RUVBL1: variants seen among roughly 807,000 people sequenced by gnomAD.
RUVBL1 encodes the protein ruvB-like 1.
A neutral mutation model predicts 52.4 loss-of-function variants in RUVBL1; 4 were observed. The ratio of observed to expected loss-of-function variants is 0.08; its 90% confidence interval spans 0.04 to 0.17. RUVBL1 has a LOEUF of 0.17. RUVBL1 is among the 10% of genes least tolerant of loss of function. The pLI, the probability that RUVBL1 is intolerant of heterozygous loss-of-function variation, is 1.00. For synonymous variants in RUVBL1, 217 were observed against 214.4 expected (o/e 1.01, Z -0.10); for missense variants, 298 against 572.8 (o/e 0.52, Z 4.90).
chr3:128,143,497 G>T (rs1053335579), intron 1 of RUVBL1, among the ~76,000 whole-genome samples: 11 of 152,140 alleles, frequency 7.2e-5, no homozygotes, highest in Non-Finnish European at 1.2e-4. Context: ...TCACATCTGT[G>T]GAGTCCCTTT....
intron 8 of RUVBL1, among the ~76,000 whole-genome samples, chr3:128,094,197 T>C (rs1942917207): frequency 6.6e-6 from 1 of 152,200 alleles, no homozygotes; most frequent in African/African-American, 2.4e-5. Context: ...GTCATGAGCT[T>C]CCACGTGACT....
intron 1 of RUVBL1, among the ~76,000 whole-genome samples, chr3:128,148,842 C>A (rs1944142394): frequency 6.6e-6 from 1 of 152,144 alleles, no homozygotes; most frequent in Non-Finnish European, 1.5e-5. Context: ...AGATTGTTCC[C>A]AAGTAGTGTA....
chr3:128,075,586 C>G (rs1427033946), intron 9 of RUVBL1, among the ~76,000 whole-genome samples: 1 of 152,106 alleles, frequency 6.6e-6, no homozygotes, highest in East Asian at 1.9e-4. Flanking sequence ...ACCTCGCTTG[C>G]TGGGAAGTCG....
chr3:128,068,998 T>G lies in RUVBL1; in HGVS notation c.940-3778A>C, dbSNP rs533485790. 3 of 152,634 alleles carry G rather than the reference T, an allele frequency of 2.0e-5. No homozygotes were observed. In the East Asian group the frequency reaches 5.8e-4, roughly 29 times the overall value. The allele number at this position is 152,634 out of a possible 1,614,324, so 9.5% of individuals were successfully genotyped here. A position where few individuals can be genotyped will look rare whatever the true frequency, so the allele number is the denominator to read the frequency against. On this transcript the variant is annotated intron_variant, in intron 9 of 9. Transcript: ENST00000464873. ...CTAGCAGGGATGGTAGGCAATTTAG[T>G]TCATTCTCTTAATATTAAGCTGCTG...
At chr3:128,143,996 T>C (rs946408986) in intron 1 of RUVBL1, among the ~76,000 whole-genome samples, 2 of 152,204 alleles carry the variant, frequency 1.3e-5, no homozygotes, top group African/African-American at 2.4e-5. Flanking sequence ...CAGCATGAGG[T>C]ACAGCCATGA....
upstream of RUVBL1, among the ~76,000 whole-genome samples, chr3:128,125,353 A>C (rs951044179): frequency 6.6e-6 from 1 of 152,084 alleles, no homozygotes; most frequent in Non-Finnish European, 1.5e-5. Context: ...TAACATTTGA[A>C]TCTAGGTTTC....
At chr3:128,085,758 A>G (rs571659479) in intron 9 of RUVBL1, among the ~76,000 whole-genome samples, 35 of 152,126 alleles carry the variant, frequency 2.3e-4, no homozygotes, top group African/African-American at 7.9e-4. Flanking sequence ...GTGCCAGGAA[A>G]GGCCCAGGAG....
intron 2 of RUVBL1, among the ~76,000 whole-genome samples, chr3:128,113,381 T>C (rs966425793): frequency 6.6e-6 from 1 of 152,156 alleles, no homozygotes; most frequent in Non-Finnish European, 1.5e-5. Flanking sequence ...TACCATAATC[T>C]AGAAAATGGC....
At chr3:128,091,089 T>A (rs1397851656) in intron 8 of RUVBL1, among the ~76,000 whole-genome samples, 2 of 152,264 alleles carry the variant, frequency 1.3e-5, no homozygotes, top group African/African-American at 2.4e-5. Flanking sequence ...AAAAGGCTGC[T>A]GAGGACTGCT....
At chr3:128,093,250 A>G (rs537549180) in intron 8 of RUVBL1, among the ~76,000 whole-genome samples, 1 of 152,370 alleles carries the variant, frequency 6.6e-6, no homozygotes, top group South Asian at 2.1e-4. Context: ...ACCAGATTAT[A>G]TGGTGCTATT....
Position 128,100,615 on chromosome 3 carries a change from C to A in RUVBL1, c.733G>T (p.Val245Leu). 6.2e-7 allele frequency: 1 copy of A among 1,611,744 alleles called. No individual in the cohort carries two copies. The highest frequency in any genetic ancestry group is 1.1e-5 in the South Asian group (1 of 90,644). The change falls in exon 6 of 11, where the codon GTG becomes TTG. Residue 245 changes from valine (V) to leucine (L), a missense_variant. Transcript: ENST00000322623. Reference protein sequence around the residue: ...IQDVTLHDLDVANARPQGGQD... With the variant: ...IQDVTLHDLDLANARPQGGQD... ...AGTACCTGGGGCCGCGCATTAGCCA[C>A]ATCCAAGTCATGCAAGGTCACATCT...
chr3:128,098,886 G>A lies in RUVBL1; in HGVS notation c.813C>T (p.Ile271=), dbSNP rs375981397. The A allele has an allele frequency of 4.3e-6, 7 of 1,613,880 alleles. No homozygotes were observed. In the African/African-American group the frequency reaches 9.3e-5, roughly 22 times the overall value. The part of the protein sequence containing the change: ...GQLMKPKKTE[I]TDKLRGEINK... Reference sequence around the variant, plus strand: ...AGGGCACACTGGTTCTCCTACCTGTGATTTCTGTCTTCTTTGGCTTCATTA... The same window carrying A: ...AGGGCACACTGGTTCTCCTACCTGTAATTTCTGTCTTCTTTGGCTTCATTA... Residue 271 remains isoleucine (I), a synonymous_variant, in exon 7 of 11, where the codon ATC becomes ATT. Transcript: ENST00000322623.
At chr3:128,069,459 T>C (rs1414376113) in intron 9 of RUVBL1, 2 of 1,605,686 alleles carry the variant, frequency 1.2e-6, no homozygotes, top group Non-Finnish European at 1.7e-6. Context: ...AGGAGCTGAC[T>C]GTGTCCCCTC....
intron 8 of RUVBL1, among the ~76,000 whole-genome samples, chr3:128,091,895 T>G (rs13060453): frequency 0.14 from 21,099 of 152,196 alleles, 1,635 homozygotes; most frequent in African/African-American, 0.2. Context: ...CATAAATGCT[T>G]CTTTATGTAA....
chr3:128,072,950 G>T (rs1474173348), intron 9 of RUVBL1, among the ~76,000 whole-genome samples: 1 of 152,104 alleles, frequency 6.6e-6, no homozygotes, highest in Non-Finnish European at 1.5e-5. Flanking sequence ...TTTCCCTTGG[G>T]GCAGGCACTG....
chr3:128,131,548 C>G (rs1943877069), intron 1 of RUVBL1, among the ~76,000 whole-genome samples: 1 of 151,972 alleles, frequency 6.6e-6, no homozygotes, highest in African/African-American at 2.4e-5. Flanking sequence ...AAAAACAGAT[C>G]AAGATCCTGT....
intron 1 of RUVBL1, among the ~76,000 whole-genome samples, chr3:128,146,408 G>C (rs377234324): frequency 6.6e-6 from 1 of 151,324 alleles, no homozygotes; most frequent in African/African-American, 2.4e-5. Context: ...GCGTGCATCT[G>C]TGTGTGTGTC....
intron 1 of RUVBL1, among the ~76,000 whole-genome samples, chr3:128,148,335 T>G (rs1288175425): frequency 6.6e-6 from 1 of 152,174 alleles, no homozygotes; most frequent in Non-Finnish European, 1.5e-5. Context: ...CCAACAGAAT[T>G]TTTTAATGAA....
Position 128,067,198 on chromosome 3 carries a change from G to A in RUVBL1, c.940-1978C>T, listed in dbSNP as rs746146263. On this transcript the variant is annotated intron_variant, in intron 9 of 9. Transcript: ENST00000464873. This position sits in a 1 kb window ranked among gnomAD's most constrained non-coding sequence, Gnocchi z 4.1. ...GAGCTAGCAATGCAGCTAAGTTGCA[G>A]TGGTTTCTATCAGTGTCTTGCTCAT... The A allele has an allele frequency of 1.3e-6, 2 of 1,553,508 alleles. No individual in the cohort carries two copies. Among genetic ancestry groups the A allele is most frequent in the East Asian group, 2.2e-5 (1 of 44,534 alleles).
Sources: gnomAD v4.1 joint callset for allele counts (sites outside exome capture counted in the v4.1 genomes callset) on GRCh38, gnomAD v4.1.1 for gene constraint, Gnocchi (gnomAD v3.1) non-coding constraint, MANE v1.5 for transcripts, NCBI Gene and HGNC (gene_info 2026-07-23, HGNC 2026-07-21) for gene names.